The following PARD3 variants were observed in gnomAD, a reference collection of about 807,000 sequenced individuals.
The protein encoded by PARD3 is partitioning defective 3 homolog.
Under a neutral mutation model 155.4 loss-of-function variants are expected in PARD3, and 75 were observed. The ratio of observed to expected loss-of-function variants is 0.48; its 90% CI spans 0.40 to 0.58. The LOEUF (loss-of-function observed/expected upper bound fraction) is 0.58. Ranked by LOEUF, PARD3 falls within the 20% of genes least tolerant of loss-of-function variation. The pLI is 0.00. For missense variants in PARD3, 1,642 were observed against 1,721.7 expected, an observed-to-expected ratio of 0.95 and a Z score of 0.82; for synonymous variants, 576 against 610.5, an observed-to-expected ratio of 0.94 and a Z score of 0.83.
chr10:34,717,464 T>C (rs902675136), intron 1 of PARD3, among the ~76,000 whole-genome samples: 2 of 152,208 alleles, frequency 1.3e-5, no homozygotes, highest in Admixed American at 6.5e-5. Context: ...ACATTCTGTA[T>C]TAAACACGCA....
In PARD3 at chr10:34,756,051, G is replaced by C. The variant is rs143269757; in HGVS notation, c.120+58825C>G. Among the ~76,000 whole-genome samples the C allele has an allele frequency of 2.8e-4, 42 of 151,862 alleles. 1 individual carries two copies. The East Asian group carries it at 5.6e-3, about 20-fold the overall frequency. The stretch of plus-strand genomic sequence containing the variant: ...TAAGTTGTTAAACCAAACCAGCAGA[G>C]AGAGGGGCTAGGATGCTAATCTGGG... On this transcript the variant is annotated intron_variant, in intron 1 of 24. Coordinates refer to ENST00000374788, the MANE Select transcript of PARD3 (RefSeq NM_001184785.2).
chr10:34,308,489 T>C (rs1957527696), intron 20 of PARD3, among the ~76,000 whole-genome samples: 1 of 152,070 alleles, frequency 6.6e-6, no homozygotes, highest in Non-Finnish European at 1.5e-5. Context: ...TTGTGGGGCA[T>C]AAGGGAAAAT....
At chr10:34,119,474 G>T (rs1397362030) in intron 24 of PARD3, 139 bp downstream of exon 24, 1 of 796,366 alleles carries the variant, frequency 1.3e-6, no homozygotes, top group Non-Finnish European at 1.8e-6. Context: ...CAGTAGCCAC[G>T]GGACATTTAT....
chr10:34,142,780 C>T (rs1271828210), intron 22 of PARD3, among the ~76,000 whole-genome samples: 1 of 152,140 alleles, frequency 6.6e-6, no homozygotes, highest in Non-Finnish European at 1.5e-5. Context: ...AATTCTCTAA[C>T]AAATGGCAAG....
intron 22 of PARD3, among the ~76,000 whole-genome samples, chr10:34,216,875 T>C (rs1952025996): frequency 6.6e-6 from 1 of 152,256 alleles, no homozygotes; most frequent in South Asian, 2.1e-4. Flanking sequence ...TAGAGGAAAC[T>C]GCTTGGGTCC....
At chr10:34,507,113 C>T (rs1191735187) in intron 3 of PARD3, among the ~76,000 whole-genome samples, 2 of 152,192 alleles carry the variant, frequency 1.3e-5, no homozygotes, top group East Asian at 3.8e-4. Flanking sequence ...ACCCTCCAAA[C>T]ACATCTTGCA....
chr10:34,765,172 T>C (rs1837930240), intron 1 of PARD3, among the ~76,000 whole-genome samples: 1 of 152,142 alleles, frequency 6.6e-6, no homozygotes, highest in Non-Finnish European at 1.5e-5. Context: ...GGTACCTTTA[T>C]CCAATACTTC....
chr10:34,130,218 AC>A (rs1947533655), intron 23 of PARD3, among the ~76,000 whole-genome samples: 1 of 151,594 alleles, frequency 6.6e-6, no homozygotes, highest in Non-Finnish European at 1.5e-5. Flanking sequence ...AGGCTTGAGA[AC>A]CCCTAGATCC....
chr10:34,582,359 A>C (rs2087568814), intron 2 of PARD3, among the ~76,000 whole-genome samples: 1 of 152,222 alleles, frequency 6.6e-6, no homozygotes. Flanking sequence ...CACACTGCTT[A>C]TATTTCCTCC....
chr10:34,614,107 A>G (rs1052022764), intron 2 of PARD3, among the ~76,000 whole-genome samples: 3 of 152,238 alleles, frequency 2.0e-5, no homozygotes, highest in African/African-American at 7.2e-5. Flanking sequence ...GAAAAGAAAA[A>G]AAAAGTTTTC....
intron 5 of PARD3, among the ~76,000 whole-genome samples, chr10:34,409,176 T>C (rs1359435605): frequency 2.6e-5 from 4 of 152,138 alleles, no homozygotes; most frequent in Non-Finnish European, 5.9e-5. Context: ...TTGATACATA[T>C]ACAACATGAC....
intron 22 of PARD3, among the ~76,000 whole-genome samples, chr10:34,162,919 C>T (rs1949353706): frequency 6.6e-6 from 1 of 152,132 alleles, no homozygotes; most frequent in Non-Finnish European, 1.5e-5. Flanking sequence ...ATAGATGCCA[C>T]CACCACACGG....
chr10:34,230,192 T>C (rs1952847389), intron 22 of PARD3, among the ~76,000 whole-genome samples: 1 of 152,132 alleles, frequency 6.6e-6, no homozygotes, highest in East Asian at 1.9e-4. Context: ...AATAAATAAA[T>C]ACATACCATA....
At chr10:34,591,517 T>TA (rs2134367377) in intron 2 of PARD3, among the ~76,000 whole-genome samples, 1 of 152,192 alleles carries the variant, frequency 6.6e-6, no homozygotes, top group African/African-American at 2.4e-5. Context: ...ATTACACTAA[T>TA]AAGGTAATAT....
chr10:34,569,138 A>T (rs997221146), intron 2 of PARD3, among the ~76,000 whole-genome samples: 1 of 152,198 alleles, frequency 6.6e-6, no homozygotes, highest in Non-Finnish European at 1.5e-5. Flanking sequence ...GTAAGCAGAC[A>T]GCAGACAACA....
chr10:34,271,851 AT>A (rs1418711138), intron 21 of PARD3, among the ~76,000 whole-genome samples: 1 of 152,238 alleles, frequency 6.6e-6, no homozygotes, highest in Middle Eastern at 3.2e-3. Flanking sequence ...GTCAGAGGAT[AT>A]AAGATCAACA....
intron 5 of PARD3, among the ~76,000 whole-genome samples, chr10:34,414,636 C>T (rs1312654016): frequency 6.6e-6 from 1 of 150,800 alleles, no homozygotes; most frequent in Non-Finnish European, 1.5e-5. Context: ...GGCAACACAG[C>T]GAGACCCAGT....
chr10:34,387,944 C>A (rs1300560680), intron 7 of PARD3, among the ~76,000 whole-genome samples: 2 of 152,090 alleles, frequency 1.3e-5, no homozygotes, highest in Non-Finnish European at 2.9e-5. Flanking sequence ...AGTAGAAATT[C>A]TACAAATCAT....
At chr10:34,801,582 G>A (rs1202899433) in intron 1 of PARD3, among the ~76,000 whole-genome samples, 1 of 152,186 alleles carries the variant, frequency 6.6e-6, no homozygotes, top group African/African-American at 2.4e-5. Context: ...TATTTAGTAT[G>A]ATAAATAGGT....
Sources: gnomAD v4.1 joint callset for allele counts (sites outside exome capture counted in the v4.1 genomes callset) on GRCh38, gnomAD v4.1.1 for gene constraint, MANE v1.5 for transcripts, NCBI Gene and HGNC (gene_info 2026-07-23, HGNC 2026-07-21) for gene names.